Variants in KIF3B observed in about 807,000 individuals in gnomAD.
KIF3B encodes kinesin family member 3B, also known as kinesin-like protein KIF3B.
KIF3B carries 38 observed loss-of-function variants against 74.3 expected under a neutral mutation model. The observed-to-expected ratio is 0.51, with a 90% confidence interval of 0.39 to 0.67. The LOEUF is 0.67. Among genes scored for constraint, KIF3B ranks in the 30% least tolerant of loss-of-function variants. The probability of loss-of-function intolerance (pLI) is 0.00; values close to 1 mark genes in which losing one functional copy is unlikely to be tolerated. For synonymous variants in KIF3B, 326 were observed against 342.5 expected (o/e 0.95, Z 0.53); for missense variants, 649 against 932.0 (o/e 0.70, Z 3.95).
Position 32,331,590 on chromosome 20 carries a change from C to A in KIF3B, c.*271C>A. 1 of 449,208 alleles carries A rather than the reference C, an allele frequency of 2.2e-6. No individual in the cohort carries two copies. Among genetic ancestry groups the A allele is most frequent in the East Asian group, 4.6e-5 (1 of 21,526 alleles). 27.8% of individuals were successfully genotyped at this position (449,208 alleles called of 1,614,324 possible). ...GTTCAAGTGGAAAGCAAGAGAATGACCAGTGACCTTGCTTCCTTCCCCCTT... is the reference window on the plus strand; with the variant it reads ...GTTCAAGTGGAAAGCAAGAGAATGAACAGTGACCTTGCTTCCTTCCCCCTT... On this transcript the variant is annotated 3_prime_UTR_variant, in exon 9 of 9. Transcript: ENST00000375712.
chr20:32,310,956 G>A lies in KIF3B; in HGVS notation c.1179G>A (p.Gly393=). 2 of 1,611,940 alleles carry A rather than the reference G, an allele frequency of 1.2e-6. No homozygotes were observed. Among genetic ancestry groups the A allele is most frequent in the Non-Finnish European group, 1.7e-6 (2 of 1,178,344 alleles). ...RREGGGSGGG[G]EEEEEEGEEG... ...AAGGTGGTGGCAGTGGTGGGGGTGG[G>A]GAAGAGGAGGAGGAGGAGGGAGAAG... is the stretch of plus-strand genomic sequence containing the variant. The change falls in exon 2 of 9, where the codon GGG becomes GGA. Residue 393 remains glycine (G), a synonymous_variant. Transcript: ENST00000375712. This position sits in a 1 kb window ranked among gnomAD's most constrained non-coding sequence, Gnocchi z 6.5.
At chr20:32,302,532 C>G (rs2047749263) in intron 1 of KIF3B, among the ~76,000 whole-genome samples, 1 of 147,928 alleles carries the variant, frequency 6.8e-6, no homozygotes, top group African/African-American at 2.4e-5. Context: ...CTTTCATAGG[C>G]TTGGAGCCCC....
chr20:32,322,752 A>ATATT (rs2047871427), intron 5 of KIF3B, among the ~76,000 whole-genome samples: 1 of 32,052 alleles, frequency 3.1e-5, no homozygotes, highest in Non-Finnish European at 4.6e-5. Context: ...TTATTTATAT[A>ATATT]TATATTTATA....
At chr20:32,288,880 A>G (rs1026616658) in intron 1 of KIF3B, among the ~76,000 whole-genome samples, 5 of 152,224 alleles carry the variant, frequency 3.3e-5, no homozygotes, top group African/African-American at 1.2e-4. Flanking sequence ...TTCAAAAAGC[A>G]TTTAACTCAT....
intron 5 of KIF3B, among the ~76,000 whole-genome samples, chr20:32,324,816 C>T (rs2047894670): frequency 6.6e-6 from 1 of 152,114 alleles, no homozygotes; most frequent in Non-Finnish European, 1.5e-5. Flanking sequence ...ATTGCCTGAG[C>T]TCAGGAGCTC....
intron 1 of KIF3B, among the ~76,000 whole-genome samples, chr20:32,302,898 C>T (rs551799301): frequency 1.3e-5 from 2 of 152,288 alleles, no homozygotes; most frequent in South Asian, 4.1e-4. Context: ...ATTCTAATAG[C>T]ATGTAGAAGA....
rs2047947011 is a variant in KIF3B, at chr20:32,334,659, G to A, written c.*3340G>A. Reference sequence around the variant, plus strand: ...AAAATGCTCTGAGGGAACTGGCTAAGAATAGTGGGCCTGGTGATTGTCTAT... The same window carrying A: ...AAAATGCTCTGAGGGAACTGGCTAAAAATAGTGGGCCTGGTGATTGTCTAT... On this transcript the variant is annotated 3_prime_UTR_variant, in exon 9 of 9. Coordinates refer to ENST00000375712, the MANE Select transcript of KIF3B (RefSeq NM_004798.4). 1 of 152,292 alleles carries A rather than the reference G, an allele frequency of 6.6e-6. No individual in the cohort carries two copies. Among genetic ancestry groups the A allele is most frequent in the Non-Finnish European group, 1.5e-5 (1 of 68,046 alleles). The allele number at this position is 152,292 out of a possible 1,614,324, so 9.4% of individuals were successfully genotyped here.
At chr20:32,324,645 G>A (rs2047893769) in intron 5 of KIF3B, among the ~76,000 whole-genome samples, 1 of 152,098 alleles carries the variant, frequency 6.6e-6, no homozygotes. Context: ...TTCATTAGTG[G>A]GGTTACAAAA....
rs1301078047 is a variant in KIF3B at position 32,291,486 on chromosome 20, C to G, written c.-66+13721C>G. Among the ~76,000 whole-genome samples, 3 of 152,128 alleles carry G rather than the reference C, an allele frequency of 2.0e-5. No individual in the cohort carries two copies. In the East Asian group the frequency reaches 5.8e-4, roughly 29 times the overall value. On this transcript the variant is annotated intron_variant, in intron 1 of 8. Transcript: ENST00000375712. Reference sequence around the variant, plus strand: ...GATCCCAGATGGCATATAACTTTATCTGAAAATATTCTTGTTTACCTCTAG... The same window carrying G: ...GATCCCAGATGGCATATAACTTTATGTGAAAATATTCTTGTTTACCTCTAG...
intron 1 of KIF3B, among the ~76,000 whole-genome samples, chr20:32,279,908 C>G (rs1400217575): frequency 6.6e-6 from 1 of 152,218 alleles, no homozygotes; most frequent in African/African-American, 2.4e-5. Context: ...ACTACCTGGA[C>G]TAAAATCTTG....
At chr20:32,313,878 G>A (rs1382182528) in intron 2 of KIF3B, among the ~76,000 whole-genome samples, 2 of 151,934 alleles carry the variant, frequency 1.3e-5, no homozygotes, top group African/African-American at 4.8e-5. Context: ...AGCTAATTTT[G>A]TTGATTTTCT....
At position 32,316,081 on chromosome 20, in the gene KIF3B, G is replaced by A. The variant is rs138029473; in HGVS notation, c.1405-137G>A. 9.2e-6 allele frequency: 6 copies of A among 652,218 alleles called. No individual in the cohort carries two copies. The African/African-American group carries it at 1.1e-4, about 12-fold the overall frequency. The allele number at this position is 652,218 out of a possible 1,614,324, so 40.4% of individuals were successfully genotyped here. On this transcript the variant is annotated intron_variant, in intron 2 of 8. Transcript: ENST00000375712. ...ACCAGTGATGGATGGGCACAGCTGA[G>A]CACAGTGTATTTTTTCCCAGAGTTT...
rs1029116 is a variant in KIF3B, at chr20:32,331,380, A to T, written c.*61A>T. Reference sequence around the variant, plus strand: ...TTGCCTTCTGAGAGAAGAGACTAGCAAAAAGCTGCAGAGAGGATTCGGCCC... The same window carrying T: ...TTGCCTTCTGAGAGAAGAGACTAGCTAAAAGCTGCAGAGAGGATTCGGCCC... On this transcript the variant is annotated 3_prime_UTR_variant, in exon 9 of 9. Coordinates refer to ENST00000375712, the MANE Select transcript of KIF3B (RefSeq NM_004798.4). 1.5e-6 allele frequency: 2 copies of T among 1,355,642 alleles called. No individual in the cohort carries two copies. Among genetic ancestry groups the T allele is most frequent in the East Asian group, 2.3e-5 (1 of 43,372 alleles). The allele number at this position is 1,355,642 out of a possible 1,614,324, so 84.0% of individuals were successfully genotyped here.
At chr20:32,281,150 C>A (rs1427109219) in intron 1 of KIF3B, among the ~76,000 whole-genome samples, 3 of 152,152 alleles carry the variant, frequency 2.0e-5, no homozygotes, top group Non-Finnish European at 4.4e-5. Context: ...TACAAAAATG[C>A]CTACACTTGC....
intron 1 of KIF3B, among the ~76,000 whole-genome samples, chr20:32,299,399 ATATATTTTTTT>A (rs898644746): frequency 9.4e-5 from 3 of 31,766 alleles, no homozygotes; most frequent in African/African-American, 3.8e-4. Context: ...ATATATATAT[ATATATTTTTTT>A]TTTTTTTTTT....
At chr20:32,287,747 A>C (rs527636746) in intron 1 of KIF3B, among the ~76,000 whole-genome samples, 9 of 152,260 alleles carry the variant, frequency 5.9e-5, no homozygotes, top group Non-Finnish European at 1.3e-4. Flanking sequence ...GTTATACAGA[A>C]TATCTCCTTC....
intron 1 of KIF3B, among the ~76,000 whole-genome samples, chr20:32,307,621 T>G (rs2047778130): frequency 6.6e-6 from 1 of 152,202 alleles, no homozygotes; most frequent in Non-Finnish European, 1.5e-5. Context: ...GGTTGTAGTA[T>G]TTCAACAGGT....
intron 1 of KIF3B, among the ~76,000 whole-genome samples, chr20:32,306,581 CTTTTTTTTT>C (rs935086574): frequency 3.7e-4 from 31 of 82,860 alleles, no homozygotes; most frequent in Non-Finnish European, 1.8e-4. Flanking sequence ...AGTTTTTCCT[CTTTTTTTTT>C]TTTTTTTTTT....
chr20:32,286,527 T>C (rs2047668054), intron 1 of KIF3B, among the ~76,000 whole-genome samples: 1 of 152,210 alleles, frequency 6.6e-6, no homozygotes, highest in African/African-American at 2.4e-5. Context: ...GAAATATATG[T>C]AATGTTTTTC....
Sources: gnomAD v4.1 joint callset for allele counts (sites outside exome capture counted in the v4.1 genomes callset) on GRCh38, gnomAD v4.1.1 for gene constraint, Gnocchi (gnomAD v3.1) non-coding constraint, MANE v1.5 for transcripts, NCBI Gene and HGNC (gene_info 2026-07-23, HGNC 2026-07-21) for gene names.